EIF2B3: variants seen among roughly 807,000 people sequenced by gnomAD.
EIF2B3 encodes the protein translation initiation factor eIF2B subunit gamma.
EIF2B3 carries 20 observed loss-of-function variants against 54.1 expected under a neutral mutation model. The observed-to-expected ratio is 0.37, with a 90% CI of 0.26 to 0.54. EIF2B3 has a LOEUF of 0.54. Among genes scored for constraint, EIF2B3 ranks in the 20% least tolerant of loss-of-function variants. The pLI, the probability that EIF2B3 is intolerant of heterozygous loss-of-function variation, is 0.86. For synonymous variants in EIF2B3, 153 were observed against 188.1 expected (o/e 0.81, Z 1.52); for missense variants, 448 against 547.8 (o/e 0.82, Z 1.82).
intron 10 of EIF2B3, among the ~76,000 whole-genome samples, chr1:44,865,515 T>C (rs1480771455): frequency 6.6e-6 from 1 of 152,210 alleles, no homozygotes; most frequent in Non-Finnish European, 1.5e-5. Context: ...TTTTTTCAAT[T>C]TGGTGAGCTT....
At position 44,874,692 on chromosome 1, in the gene EIF2B3, G is replaced by A; in HGVS notation, c.1188C>T (p.Val396=). Residue 396 remains valine (V), a synonymous_variant, in exon 10 of 12, where the codon GTC becomes GTT. Transcript: ENST00000360403. ...TITNCLLMNS[V]TVEEGSNIQG... Reference sequence around the variant, plus strand: ...GGGAAACATACCCTTCCTCCACAGTGACTGAGTTCATGAGAAGGCAATTGG... The same window carrying A: ...GGGAAACATACCCTTCCTCCACAGTAACTGAGTTCATGAGAAGGCAATTGG... 10 of 1,614,090 alleles carry A rather than the reference G, an allele frequency of 6.2e-6. No homozygotes were observed. The highest frequency in any genetic ancestry group is 8.5e-6 in the Non-Finnish European group (10 of 1,180,014).
intron 1 of EIF2B3, among the ~76,000 whole-genome samples, chr1:44,984,795 A>ATTTTT (rs1557718636): frequency 2.5e-5 from 2 of 80,462 alleles, no homozygotes; most frequent in African/African-American, 1.7e-4. Context: ...AATAATGTCC[A>ATTTTT]TCTTTTTTTT....
chr1:44,949,494 T>G (rs558271975), intron 3 of EIF2B3, among the ~76,000 whole-genome samples: 2 of 152,188 alleles, frequency 1.3e-5, no homozygotes, highest in African/African-American at 4.8e-5. Flanking sequence ...CTCCTTCTCT[T>G]TGTTTAATTT....
At chr1:44,983,257 T>C (rs1490417665) in intron 1 of EIF2B3, among the ~76,000 whole-genome samples, 1 of 152,238 alleles carries the variant, frequency 6.6e-6, no homozygotes, top group African/African-American at 2.4e-5. Flanking sequence ...CTTACAATGA[T>C]GTAATTTTAA....
At position 44,981,098 on chromosome 1, in the gene EIF2B3, G is replaced by A. The variant is rs151320540; in HGVS notation, c.71C>T (p.Pro24Leu). Residue 24 changes from proline to leucine, a missense_variant, in exon 2 of 12, where the codon CCC (proline) becomes CTC (leucine). This residue lies in a region of EIF2B3 where 95 missense variants were observed against 115.7 expected (regional missense o/e 0.82). Transcript: ENST00000360403. Reference protein sequence around the residue: ...SRMTDLTSSIPKPLLPVGNKP... With the variant: ...SRMTDLTSSILKPLLPVGNKP... ...GTTCCCAACTGGAAGCAGAGGTTTG[G>A]GAATGCTGGAAGTTAGGTCTGTCAT... 2.5e-4 allele frequency: 403 copies of A among 1,613,004 alleles called. No individual in the cohort carries two copies. Among genetic ancestry groups the A allele is most frequent in the South Asian group, 3.4e-4 (31 of 91,034 alleles).
intron 10 of EIF2B3, among the ~76,000 whole-genome samples, chr1:44,871,833 G>A (rs959993864): frequency 2.0e-5 from 3 of 150,538 alleles, no homozygotes; most frequent in African/African-American, 7.3e-5. Flanking sequence ...AAAATAGGGA[G>A]ATGTTTCTGG....
intron 5 of EIF2B3, among the ~76,000 whole-genome samples, chr1:44,922,143 A>T (rs1643749417): frequency 6.6e-6 from 1 of 150,998 alleles, no homozygotes; most frequent in African/African-American, 2.4e-5. Context: ...CTAACTCCTG[A>T]TCTCAAATGA....
At position 44,880,665 on chromosome 1, in the gene EIF2B3, C is replaced by G. The variant is rs141286021; in HGVS notation, c.785-657G>C. Reference sequence around the variant, plus strand: ...GGGCTCAGAGGACTGAGTAACCTGCCTCAAGACACAATGCTGGCCGGGCAC... The same window carrying G: ...GGGCTCAGAGGACTGAGTAACCTGCGTCAAGACACAATGCTGGCCGGGCAC... On this transcript the variant is annotated intron_variant, in intron 7 of 11. Transcript: ENST00000360403. 4.7e-3 allele frequency among the ~76,000 whole-genome samples: 719 copies of G among 152,232 alleles called. 2 individuals carry two copies. The highest frequency in any genetic ancestry group is 7.3e-3 in the East Asian group (38 of 5,174).
chr1:44,975,921 G>A (rs1450946038), intron 3 of EIF2B3, among the ~76,000 whole-genome samples: 5 of 152,102 alleles, frequency 3.3e-5, no homozygotes, highest in Non-Finnish European at 7.4e-5. Flanking sequence ...GTGAGGTGGT[G>A]CGGTGAGGAG....
At chr1:44,973,496 G>A (rs1319893851) in intron 3 of EIF2B3, among the ~76,000 whole-genome samples, 2 of 152,138 alleles carry the variant, frequency 1.3e-5, no homozygotes, top group Non-Finnish European at 2.9e-5. Flanking sequence ...CCAGACGTTC[G>A]AGACTAGCCT....
At chr1:44,960,668 T>C (rs1455710027) in intron 3 of EIF2B3, among the ~76,000 whole-genome samples, 1 of 151,724 alleles carries the variant, frequency 6.6e-6, no homozygotes, top group Non-Finnish European at 1.5e-5. Flanking sequence ...CAATACTGGA[T>C]AACAACTATT....
At chr1:44,933,791 C>T (rs1643918393) in intron 4 of EIF2B3, among the ~76,000 whole-genome samples, 1 of 152,050 alleles carries the variant, frequency 6.6e-6, no homozygotes, top group African/African-American at 2.4e-5. Context: ...GGTCAAAATG[C>T]TATTAGGCCA....
chr1:44,880,724 A>G (rs1013779128), intron 7 of EIF2B3, among the ~76,000 whole-genome samples: 41 of 152,140 alleles, frequency 2.7e-4, no homozygotes, highest in African/African-American at 9.4e-4. Context: ...GCACTTTGGG[A>G]GGCCGAGGCG....
intron 3 of EIF2B3, among the ~76,000 whole-genome samples, chr1:44,960,819 G>T (rs563812389): frequency 6.6e-6 from 1 of 152,160 alleles, no homozygotes; most frequent in African/African-American, 2.4e-5. Flanking sequence ...ATCTGTGAGG[G>T]TTCCTGGAAC....
intron 4 of EIF2B3, among the ~76,000 whole-genome samples, chr1:44,940,012 T>C (rs978092213): frequency 2.0e-5 from 3 of 152,232 alleles, no homozygotes; most frequent in African/African-American, 7.2e-5. Flanking sequence ...TCAGCATGAG[T>C]ATCATCACAT....
chr1:44,932,523 A>G (rs918408317), intron 4 of EIF2B3: 1 of 152,202 alleles, frequency 6.6e-6, no homozygotes, highest in African/African-American at 2.4e-5. Flanking sequence ...GAGACCTAAT[A>G]CAACCTGGTG....
intron 3 of EIF2B3, among the ~76,000 whole-genome samples, chr1:44,946,590 C>T (rs912024971): frequency 6.6e-5 from 10 of 151,314 alleles, no homozygotes; most frequent in Non-Finnish European, 1.2e-4. Flanking sequence ...GCACCACATG[C>T]CACTATGTCC....
At chr1:44,910,213 T>C (rs1366734604) in intron 5 of EIF2B3, among the ~76,000 whole-genome samples, 1 of 152,154 alleles carries the variant, frequency 6.6e-6, no homozygotes, top group African/African-American at 2.4e-5. Flanking sequence ...AGCAGGAATT[T>C]TAGAGCTGGA....
chr1:44,915,913 A>C (rs575158338), intron 5 of EIF2B3, among the ~76,000 whole-genome samples: 1 of 152,296 alleles, frequency 6.6e-6, no homozygotes, highest in Non-Finnish European at 1.5e-5. Context: ...CTAAAAACAG[A>C]TTTTAAGAAC....
Sources: allele counts gnomAD v4.1 joint callset (sites outside exome capture counted in the v4.1 genomes callset), GRCh38; gene constraint gnomAD v4.1.1; regional missense constraint gnomAD v4.1.1; transcripts MANE v1.5; gene names NCBI Gene and HGNC (gene_info 2026-07-23, HGNC 2026-07-21).